CACNA2D4: variants seen among roughly 807,000 people sequenced by gnomAD.
The protein encoded by CACNA2D4 is voltage-dependent calcium channel subunit alpha-2/delta-4.
In CACNA2D4, 157 loss-of-function variants were observed where a neutral mutation model predicts 163.8. The observed-to-expected ratio is 0.96, with a 90% CI of 0.84 to 1.09. CACNA2D4 has a LOEUF of 1.09. Among genes scored for constraint, CACNA2D4 ranks in the 50% least tolerant of loss-of-function variants. The pLI, the probability that CACNA2D4 is intolerant of heterozygous loss-of-function variation, is 0.00. For missense variants in CACNA2D4, 1,410 were observed against 1,479.9 expected (o/e 0.95, Z 0.78); for synonymous variants, 598 against 586.9 (o/e 1.02, Z -0.27).
rs762723270 is a variant in CACNA2D4, at chr12:1,840,828, A to C, written c.2471-9T>G. On this transcript the variant is annotated splice_polypyrimidine_tract_variant and intron_variant, in intron 25 of 37. Transcript: ENST00000382722. ...GGGTTCACCCGCACTTTCTGGGGAA[A>C]CAGAGACAACCCAGTCATGGGGAAG... is the stretch of plus-strand genomic sequence containing the variant. 2 of 1,564,840 alleles carry C rather than the reference A, an allele frequency of 1.3e-6. No homozygotes were observed. The highest frequency in any genetic ancestry group is 1.7e-6 in the Non-Finnish European group (2 of 1,163,842).
chr12:1,854,093 A>G (rs758802340), intron 22 of CACNA2D4, 49 bp from the exon 23 acceptor site: 4 of 1,380,406 alleles, frequency 2.9e-6, no homozygotes, highest in Non-Finnish European at 4.0e-6. Context: ...CTCCATGCTC[A>G]TGAACACAAC....
At chr12:1,816,707 G>C (rs75252905) in intron 26 of CACNA2D4, among the ~76,000 whole-genome samples, 6,778 of 152,348 alleles carry the variant, frequency 0.044, 205 homozygotes, top group Middle Eastern at 0.092. Flanking sequence ...CGGTGCTGCT[G>C]TGTCATCACA....
intron 26 of CACNA2D4, among the ~76,000 whole-genome samples, chr12:1,837,114 T>C (rs1211042791): frequency 6.6e-6 from 1 of 152,170 alleles, no homozygotes; most frequent in African/African-American, 2.4e-5. Context: ...CCATGGCCCG[T>C]GCCCTGTGGG....
At chr12:1,907,691 G>T in intron 5 of CACNA2D4, 120 bp from the exon 6 acceptor site, 2 of 1,162,238 alleles carry the variant, frequency 1.7e-6, no homozygotes, top group South Asian at 2.8e-5. Context: ...GTGCCTGGTG[G>T]GTGTGCCTGG....
intron 6 of CACNA2D4, among the ~76,000 whole-genome samples, chr12:1,892,103 A>C (rs71454847): frequency 0.36 from 17,424 of 48,368 alleles, 1,068 homozygotes; most frequent in East Asian, 0.45. Context: ...ATTCAAAAAT[A>C]CATTGTAGTC....
Position 1,869,340 on chromosome 12 carries a change from C to T in CACNA2D4, c.1878+5264G>A, listed in dbSNP as rs1464592392. Among the ~76,000 whole-genome samples, 2 of 152,184 alleles carry T rather than the reference C, an allele frequency of 1.3e-5. No individual in the cohort carries two copies. Among genetic ancestry groups the T allele is most frequent in the African/African-American group, 4.8e-5 (2 of 41,436 alleles). On this transcript the variant is annotated intron_variant, in intron 18 of 37. Coordinates refer to ENST00000382722, the MANE Select transcript of CACNA2D4 (RefSeq NM_172364.5). This position sits in a 1 kb window ranked among gnomAD's most constrained non-coding sequence, Gnocchi z 4.7. Reference sequence around the variant, plus strand: ...TCTGCCACTCTTTGCTGTAACCTACCGTCGTGCTTTCTAGGCATGGGCCGA... The same window carrying T: ...TCTGCCACTCTTTGCTGTAACCTACTGTCGTGCTTTCTAGGCATGGGCCGA...
chr12:1,907,345 C>T, intron 6 of CACNA2D4, 95 bp downstream of exon 6: 5 of 1,228,580 alleles, frequency 4.1e-6, no homozygotes, highest in Non-Finnish European at 5.7e-6. Context: ...GCCCCATTCA[C>T]TGGGGACCTG....
At chr12:1,868,050 A>G (rs1226743436) in intron 18 of CACNA2D4, among the ~76,000 whole-genome samples, 3 of 152,172 alleles carry the variant, frequency 2.0e-5, no homozygotes, top group Admixed American at 2.0e-4. Context: ...GTGGAAAACA[A>G]TATGGAGGAG....
chr12:1,891,954 T>C (rs1866293571), intron 6 of CACNA2D4, among the ~76,000 whole-genome samples: 1 of 152,192 alleles, frequency 6.6e-6, no homozygotes, highest in Admixed American at 6.5e-5. Context: ...AATGTTCACA[T>C]TTTTGGTGTC....
intron 26 of CACNA2D4, among the ~76,000 whole-genome samples, chr12:1,817,164 A>C (rs1863903771): frequency 6.6e-6 from 1 of 152,222 alleles, no homozygotes; most frequent in Non-Finnish European, 1.5e-5. Flanking sequence ...TGCACAGCGA[A>C]TACTTAGGTC....
At chr12:1,870,862 A>C (rs972007841) in intron 18 of CACNA2D4, among the ~76,000 whole-genome samples, 1 of 152,104 alleles carries the variant, frequency 6.6e-6, no homozygotes, top group Admixed American at 6.5e-5. Context: ...TGCTCCTTTA[A>C]TACACTGACT....
At chr12:1,867,859 T>C (rs1482397178) in intron 18 of CACNA2D4, among the ~76,000 whole-genome samples, 1 of 152,176 alleles carries the variant, frequency 6.6e-6, no homozygotes, top group African/African-American at 2.4e-5. Flanking sequence ...AACAGATATT[T>C]GAAAAGCTGC....
In CACNA2D4 at chr12:1,850,819, C is replaced by T. The variant is rs1361903903; in HGVS notation, c.2246+3132G>A. On this transcript the variant is annotated intron_variant, in intron 23 of 37. Coordinates refer to ENST00000382722, the MANE Select transcript of CACNA2D4 (RefSeq NM_172364.5). ...GTCCCAGCTACTCAGGAGGCTGAGG[C>T]AGGAGAATGGCGAGCTTGTGCCACT... Among the ~76,000 whole-genome samples, 3 of 148,830 alleles carry T rather than the reference C, an allele frequency of 2.0e-5. No homozygotes were observed. In the East Asian group the frequency reaches 5.9e-4, roughly 29 times the overall value.
intron 26 of CACNA2D4, among the ~76,000 whole-genome samples, chr12:1,819,179 A>C (rs1331362540): frequency 6.6e-6 from 1 of 152,114 alleles, no homozygotes; most frequent in Non-Finnish European, 1.5e-5. Flanking sequence ...ACCCATGGGC[A>C]GGAGAGCATT....
intron 29 of CACNA2D4, among the ~76,000 whole-genome samples, chr12:1,803,290 A>G (rs887534318): frequency 1.3e-5 from 2 of 152,230 alleles, no homozygotes; most frequent in African/African-American, 4.8e-5. Flanking sequence ...TGAACACCCA[A>G]TGAACAACCA....
Position 1,878,272 on chromosome 12 carries a change from C to G in CACNA2D4, c.1719+43G>C. ...TCGTTTTTGTGAATTACCCCCAAAT[C>G]CCATACAGTAAGGATCCCAAGGCAA... On this transcript the variant is annotated intron_variant, in intron 16 of 37. Transcript: ENST00000382722. The surrounding 1 kb of genome is among the most constrained non-coding windows in gnomAD (Gnocchi z 4.6). 14 of 1,578,698 alleles carry G rather than the reference C, an allele frequency of 8.9e-6. No individual in the cohort carries two copies. Among genetic ancestry groups the G allele is most frequent in the Non-Finnish European group, 1.2e-5 (14 of 1,161,656 alleles).
At chr12:1,893,596 T>C (rs1866337795) in intron 6 of CACNA2D4, among the ~76,000 whole-genome samples, 1 of 152,018 alleles carries the variant, frequency 6.6e-6, no homozygotes, top group African/African-American at 2.4e-5. Context: ...TAGAAATCAA[T>C]AACAAGAGAA....
chr12:1,915,086 T>C (rs1592755122), intron 1 of CACNA2D4, 151 bp from the exon 2 acceptor site: 2 of 717,322 alleles, frequency 2.8e-6, no homozygotes, highest in Non-Finnish European at 5.1e-6. Context: ...CACAGACACA[T>C]AATGCATAAG....
chr12:1,890,761 TC>T (rs989203417), intron 6 of CACNA2D4, among the ~76,000 whole-genome samples: 11 of 151,958 alleles, frequency 7.2e-5, no homozygotes, highest in Non-Finnish European at 1.6e-4. Context: ...GGCTCTCTGT[TC>T]CCCCCATCCA....
Sources: allele counts gnomAD v4.1 joint callset (sites outside exome capture counted in the v4.1 genomes callset), GRCh38; gene constraint gnomAD v4.1.1; non-coding constraint Gnocchi (gnomAD v3.1); transcripts MANE v1.5; gene names NCBI Gene and HGNC (gene_info 2026-07-23, HGNC 2026-07-21).